MPRIP: variants seen among roughly 807,000 people sequenced by gnomAD.
MPRIP encodes the protein myosin phosphatase Rho-interacting protein.
MPRIP carries 59 observed loss-of-function variants against 234.9 expected under a neutral mutation model. The observed-to-expected ratio is 0.25, with a 90% CI of 0.20 to 0.31. MPRIP has a LOEUF of 0.31. Ranked by LOEUF, MPRIP falls within the 10% of genes least tolerant of loss-of-function variation. The pLI is 1.00. For synonymous variants in MPRIP, 1,144 were observed against 1,263.9 expected, an observed-to-expected ratio of 0.91 and a Z score of 2.01; for missense variants, 2,436 against 3,071.0, an observed-to-expected ratio of 0.79 and a Z score of 4.89.
intron 3 of MPRIP, among the ~76,000 whole-genome samples, chr17:17,126,124 A>C (rs1194047545): frequency 6.6e-6 from 1 of 152,184 alleles, no homozygotes; most frequent in African/African-American, 2.4e-5. Context: ...TGCTGTAAGA[A>C]AAAAAGTTAC....
chr17:17,107,256 G>A (rs1239211719), intron 3 of MPRIP, among the ~76,000 whole-genome samples: 3 of 152,202 alleles, frequency 2.0e-5, no homozygotes, highest in African/African-American at 7.2e-5. Flanking sequence ...TTCTTTCAGG[G>A]TTCTGGACTT....
In MPRIP at chr17:17,174,081, C is replaced by T; in HGVS notation, c.6750+6C>T. 6.2e-7 allele frequency: 1 copy of T among 1,612,624 alleles called. No homozygotes were observed. On this transcript the variant is annotated splice_donor_region_variant and intron_variant, in intron 19 of 23. Coordinates refer to ENST00000651222, the MANE Select transcript of MPRIP (RefSeq NM_001364716.4). ...AGCTCAATGCCCACAACCAGGTGAG[C>T]CTGCAGCCAGGTGAGCCCAAGGTTA...
intron 3 of MPRIP, among the ~76,000 whole-genome samples, chr17:17,104,171 T>A (rs2144238001): frequency 6.6e-6 from 1 of 152,322 alleles, no homozygotes; most frequent in Non-Finnish European, 1.5e-5. Flanking sequence ...CATGCTTACC[T>A]CCATTATACA....
At chr17:17,044,234 G>C (rs1246463840) in intron 1 of MPRIP, among the ~76,000 whole-genome samples, 1 of 152,196 alleles carries the variant, frequency 6.6e-6, no homozygotes, top group Non-Finnish European at 1.5e-5. Flanking sequence ...TTTTAAGGAC[G>C]GTCAGCTTGG....
intron 2 of MPRIP, chr17:17,077,772 G>T: frequency 8.9e-5 from 30 of 338,568 alleles, no homozygotes; most frequent in East Asian, 3.1e-4. Flanking sequence ...AAAAAAAAAA[G>T]ACTTCTTATT....
intron 19 of MPRIP, 53 bp from the exon 20 acceptor site, chr17:17,175,240 C>T (rs751745011): frequency 1.1e-4 from 174 of 1,610,764 alleles, no homozygotes; most frequent in South Asian, 2.6e-4. Flanking sequence ...TTGTGTCATG[C>T]GACTTGGCCC....
intron 3 of MPRIP, among the ~76,000 whole-genome samples, chr17:17,122,642 T>C (rs1265448074): frequency 6.6e-6 from 1 of 152,194 alleles, no homozygotes; most frequent in Non-Finnish European, 1.5e-5. Flanking sequence ...CATGAGCCAC[T>C]GCGCCTGGCC....
rs1240714285 is a variant in MPRIP, at chr17:17,167,018, G to C, written c.5427G>C (p.Leu1809=). The change falls in exon 16 of 24, where the codon CTG becomes CTC. Residue 1809 remains leucine, a synonymous_variant. Coordinates refer to ENST00000651222, the MANE Select transcript of MPRIP (RefSeq NM_001364716.4). This position sits in a 1 kb window ranked among gnomAD's most constrained non-coding sequence, Gnocchi z 5.9. ...ALPSLPPVES[L]RDCQKLLQVS... ...CATCTCTGCCACCTGTGGAATCGCT[G>C]AGAGATTGCCAGAAGCTTCTCCAGG... 7.7e-7 allele frequency: 1 copy of C among 1,304,278 alleles called. No homozygotes were observed. The highest frequency in any genetic ancestry group is 5.6e-5 in the East Asian group (1 of 18,006). The allele number at this position is 1,304,278 out of a possible 1,614,324, so 80.8% of individuals were successfully genotyped here.
chr17:17,076,959 T>TG (rs397856992), intron 2 of MPRIP: 6 of 137,558 alleles, frequency 4.4e-5, no homozygotes, highest in Admixed American at 3.0e-4. Flanking sequence ...TTTTTTTTTT[T>TG]GAAACAGAGT....
In MPRIP at chr17:17,056,616, G is replaced by GT. The variant is rs147243052; in HGVS notation, c.123+13655dup. Among the ~76,000 whole-genome samples, 1,092 of 149,398 alleles carry GT rather than the reference G, an allele frequency of 7.3e-3. 14 individuals are homozygous for GT. Among genetic ancestry groups the GT allele is most frequent in the Middle Eastern group, 0.014 (4 of 290 alleles). On this transcript the variant is annotated intron_variant, in intron 1 of 23. Coordinates refer to ENST00000651222, the MANE Select transcript of MPRIP (RefSeq NM_001364716.4). ...GTGTGTGGTTCCTTGGTTTTGAGGG[G>GT]TTTTTTTTTTGAGGTGAAATTCACG...
At chr17:17,147,959 T>C (rs2045514636) in intron 11 of MPRIP, among the ~76,000 whole-genome samples, 1 of 152,202 alleles carries the variant, frequency 6.6e-6, no homozygotes, top group Non-Finnish European at 1.5e-5. Context: ...CAAGTCTCCT[T>C]TGCCTTTTCC....
chr17:17,160,815 C>A (rs1458547253), intron 14 of MPRIP, among the ~76,000 whole-genome samples: 1 of 152,142 alleles, frequency 6.6e-6, no homozygotes, highest in Non-Finnish European at 1.5e-5. Flanking sequence ...GCTGAGGACA[C>A]CCAAAGGACC....
intron 10 of MPRIP, 77 bp from the exon 11 acceptor site, chr17:17,147,242 C>A: frequency 1.4e-6 from 2 of 1,416,106 alleles, no homozygotes; most frequent in Non-Finnish European, 2.0e-6. Flanking sequence ...CAGGCTCTGG[C>A]TGCGCACCGC....
At chr17:17,172,842 C>G (rs774777536) in intron 18 of MPRIP, 27 bp downstream of exon 18, 3 of 1,587,170 alleles carry the variant, frequency 1.9e-6, no homozygotes, top group Admixed American at 3.3e-5. Context: ...GCCCATCTGC[C>G]CTTGGGAGGG....
chr17:17,128,194 T>G (rs892061084), intron 4 of MPRIP, among the ~76,000 whole-genome samples: 4 of 152,074 alleles, frequency 2.6e-5, no homozygotes, highest in Non-Finnish European at 5.9e-5. Context: ...CAGCCGAGGC[T>G]TCCTCTGCCC....
intron 3 of MPRIP, among the ~76,000 whole-genome samples, chr17:17,099,536 G>C (rs2089916940): frequency 6.6e-6 from 1 of 152,092 alleles, no homozygotes; most frequent in Admixed American, 6.6e-5. Context: ...GACCAGCCTG[G>C]GCAACATAGC....
At chr17:17,149,409 C>T (rs548910896) in intron 11 of MPRIP, among the ~76,000 whole-genome samples, 1 of 151,608 alleles carries the variant, frequency 6.6e-6, no homozygotes, top group East Asian at 2.0e-4. Flanking sequence ...AAGAGAATCA[C>T]TTGAACCCGG....
At chr17:17,147,898 G>T (rs2045513203) in intron 11 of MPRIP, among the ~76,000 whole-genome samples, 2 of 152,148 alleles carry the variant, frequency 1.3e-5, no homozygotes, top group Admixed American at 6.5e-5. Context: ...AATAGAAGGG[G>T]TTCTTTTTTT....
chr17:17,102,409 C>T (rs1446442937), intron 3 of MPRIP, among the ~76,000 whole-genome samples: 1 of 152,226 alleles, frequency 6.6e-6, no homozygotes, highest in East Asian at 1.9e-4. Flanking sequence ...GCTGAGACAC[C>T]TGGGCCTCCA....
Sources: gnomAD v4.1 joint callset for allele counts (sites outside exome capture counted in the v4.1 genomes callset) on GRCh38, gnomAD v4.1.1 for gene constraint, Gnocchi (gnomAD v3.1) non-coding constraint, MANE v1.5 for transcripts, NCBI Gene and HGNC (gene_info 2026-07-23, HGNC 2026-07-21) for gene names.